Variants in CCDC7 observed in about 807,000 individuals in gnomAD.
The protein encoded by CCDC7 is coiled-coil domain containing 7, also known as coiled-coil domain-containing protein 7.
Under a neutral mutation model 196.9 loss-of-function variants are expected in CCDC7, and 183 were observed. That is an observed-to-expected ratio of 0.93 (90% CI 0.82 to 1.05). The LOEUF (loss-of-function observed/expected upper bound fraction) is 1.05, where lower values mean the gene tolerates loss of function less well. Among genes scored for constraint, CCDC7 ranks in the 50% least tolerant of loss-of-function variants. The pLI is 0.00. For missense variants in CCDC7, 1,540 were observed against 1,482.2 expected (o/e 1.04, Z -0.64); for synonymous variants, 525 against 484.6 (o/e 1.08, Z -1.10).
intron 41 of CCDC7, among the ~76,000 whole-genome samples, chr10:32,874,547 A>T (rs1325241446): frequency 1.3e-5 from 2 of 151,510 alleles, no homozygotes; most frequent in African/African-American, 4.8e-5. Flanking sequence ...TTGGTTTCCG[A>T]TTCGAATTAC....
At chr10:32,775,536 G>A (rs1356752203) in intron 28 of CCDC7, among the ~76,000 whole-genome samples, 1 of 152,100 alleles carries the variant, frequency 6.6e-6, no homozygotes, top group Non-Finnish European at 1.5e-5. Context: ...GATCTCCAAA[G>A]TGATTTGGTG....
At chr10:32,644,966 C>G (rs905761711) in intron 20 of CCDC7, among the ~76,000 whole-genome samples, 1 of 152,158 alleles carries the variant, frequency 6.6e-6, no homozygotes, top group Non-Finnish European at 1.5e-5. Context: ...GCAAATTACC[C>G]AGTCTCAGGT....
chr10:32,678,572 C>CT (rs958867548), intron 21 of CCDC7, among the ~76,000 whole-genome samples: 278 of 151,982 alleles, frequency 1.8e-3, no homozygotes, highest in Middle Eastern at 0.014. Context: ...CTTCCTGCCT[C>CT]TTTTTTTTGG....
chr10:32,736,142 T>C (rs1274716389), intron 28 of CCDC7, among the ~76,000 whole-genome samples: 1 of 152,182 alleles, frequency 6.6e-6, no homozygotes, highest in Non-Finnish European at 1.5e-5. Context: ...CTATTCTGGG[T>C]CTTTTGCCTT....
chr10:32,706,285 C>T (rs1402136979), intron 24 of CCDC7, among the ~76,000 whole-genome samples: 4 of 152,024 alleles, frequency 2.6e-5, no homozygotes, highest in Admixed American at 1.3e-4. Flanking sequence ...AACAAAGACA[C>T]AACATACTGG....
chr10:32,736,124 T>A (rs2084824633), intron 28 of CCDC7, among the ~76,000 whole-genome samples: 1 of 152,288 alleles, frequency 6.6e-6, no homozygotes, highest in East Asian at 1.9e-4. Flanking sequence ...CCTTTAATAT[T>A]GTGTTAACTA....
chr10:32,741,550 G>A (rs2085847112), intron 28 of CCDC7, among the ~76,000 whole-genome samples: 2 of 152,060 alleles, frequency 1.3e-5, no homozygotes, highest in Admixed American at 1.3e-4. Flanking sequence ...GTTGGGTTTT[G>A]CATCCCACAA....
At chr10:32,799,459 G>A (rs2084330004) in intron 29 of CCDC7, among the ~76,000 whole-genome samples, 1 of 152,148 alleles carries the variant, frequency 6.6e-6, no homozygotes, top group African/African-American at 2.4e-5. Flanking sequence ...CTAAAAATTG[G>A]CAGCCTTTTG....
intron 9 of CCDC7, among the ~76,000 whole-genome samples, chr10:32,504,597 T>A (rs544064784): frequency 6.6e-6 from 1 of 152,368 alleles, no homozygotes; most frequent in South Asian, 2.1e-4. Flanking sequence ...AGTTTTAGTA[T>A]GTTGTATTTC....
At chr10:32,835,240 G>A (rs963115452) in intron 33 of CCDC7, among the ~76,000 whole-genome samples, 31 of 152,168 alleles carry the variant, frequency 2.0e-4, no homozygotes, top group African/African-American at 7.5e-4. Context: ...TCAATTATCT[G>A]TCTAAAAGTC....
intron 28 of CCDC7, among the ~76,000 whole-genome samples, chr10:32,759,814 A>C (rs898910823): frequency 6.7e-4 from 102 of 152,310 alleles, no homozygotes; most frequent in African/African-American, 2.2e-3. Context: ...GGCAACCTAC[A>C]GAATGGGAGA....
intron 28 of CCDC7, among the ~76,000 whole-genome samples, chr10:32,777,400 A>G (rs1319673621): frequency 6.6e-6 from 1 of 152,162 alleles, no homozygotes; most frequent in African/African-American, 2.4e-5. Flanking sequence ...TATAGCCAGG[A>G]ATGGGATTGC....
intron 9 of CCDC7, among the ~76,000 whole-genome samples, chr10:32,504,115 G>GGT (rs1564481000): frequency 2.7e-4 from 26 of 96,298 alleles, no homozygotes; most frequent in Non-Finnish European, 2.5e-4. Context: ...TTTATTGCTG[G>GGT]TTTTTTTTTT....
chr10:32,869,597 T>G (rs1340955866), intron 41 of CCDC7, among the ~76,000 whole-genome samples: 3 of 152,312 alleles, frequency 2.0e-5, no homozygotes, highest in Admixed American at 6.5e-5. Context: ...TTTTGGCTTT[T>G]GTTGCCATTG....
intron 28 of CCDC7, among the ~76,000 whole-genome samples, chr10:32,760,148 G>T (rs1159692610): frequency 2.0e-5 from 3 of 151,720 alleles, no homozygotes; most frequent in Admixed American, 1.3e-4. Context: ...CTGTTGGTGG[G>T]ACTGTAAACT....
upstream of CCDC7, among the ~76,000 whole-genome samples, chr10:32,444,741 A>C (rs1372256252): frequency 6.6e-6 from 1 of 151,516 alleles, no homozygotes; most frequent in Non-Finnish European, 1.5e-5. Flanking sequence ...AAAAATAAAA[A>C]ATTGTTGGTG....
intron 41 of CCDC7, among the ~76,000 whole-genome samples, chr10:32,858,289 T>G (rs866710585): frequency 3.0e-4 from 46 of 152,262 alleles, no homozygotes; most frequent in Admixed American, 3.3e-4. Flanking sequence ...TTCAAACACG[T>G]TTTATGAGGC....
intron 20 of CCDC7, among the ~76,000 whole-genome samples, chr10:32,652,100 G>T (rs985179251): frequency 2.0e-5 from 3 of 152,040 alleles, no homozygotes; most frequent in Admixed American, 6.5e-5. Flanking sequence ...CTCCTGTGTT[G>T]TGTGTACATA....
chr10:32,822,275 A>T (rs1228497196), intron 31 of CCDC7, among the ~76,000 whole-genome samples: 1 of 152,200 alleles, frequency 6.6e-6, no homozygotes, highest in Non-Finnish European at 1.5e-5. Flanking sequence ...TATCTAAAAG[A>T]CAACTGTATA....
Sources: allele counts gnomAD v4.1 joint callset (sites outside exome capture counted in the v4.1 genomes callset), GRCh38; gene constraint gnomAD v4.1.1; transcripts MANE v1.5; gene names NCBI Gene and HGNC (gene_info 2026-07-23, HGNC 2026-07-21).